PEG3: variants seen among roughly 807,000 people sequenced by gnomAD.
The protein encoded by PEG3 is paternally-expressed gene 3 protein.
PEG3 carries 23 observed loss-of-function variants against 35.5 expected under a neutral mutation model. The ratio of observed to expected loss-of-function variants is 0.65; its 90% confidence interval spans 0.47 to 0.92. The LOEUF is 0.92. Among genes scored for constraint, PEG3 ranks in the 40% least tolerant of loss-of-function variants. The probability of loss-of-function intolerance (pLI) is 0.00; values close to 1 mark genes in which losing one functional copy is unlikely to be tolerated. For synonymous variants in PEG3, 707 were observed against 697.0 expected, an observed-to-expected ratio of 1.01 and a Z score of -0.23; for missense variants, 1,960 against 1,985.3, an observed-to-expected ratio of 0.99 and a Z score of 0.24.
rs1385898277 is a variant in PEG3 at position 56,815,220 on chromosome 19, G to A, written c.3222C>T (p.His1074=). 1 of 1,613,944 alleles carries A rather than the reference G, an allele frequency of 6.2e-7. No homozygotes were observed. The highest frequency in any genetic ancestry group is 1.1e-5 in the South Asian group (1 of 91,072). The change falls in exon 10 of 10, where the codon CAC becomes CAT. Residue 1074 remains histidine (H), a synonymous_variant. Transcript: ENST00000326441. ...TCTCCTGACCATGGGTCTCCTCGCT[G>A]TGGGTCTCCTCCCCATCAGTATTCT... ...QGENTDGEET[H]SEETHGQETI... is the part of the protein sequence containing the mutation.
chr19:56,812,940 G>C lies in PEG3; in HGVS notation c.*735C>G. The C allele has an allele frequency of 1.0e-6, 1 of 985,668 alleles. No homozygotes were observed. Among genetic ancestry groups the C allele is most frequent in the Non-Finnish European group, 1.2e-6 (1 of 829,836 alleles). 61.1% of individuals were successfully genotyped at this position (985,668 alleles called of 1,614,324 possible). A position where few individuals can be genotyped will look rare whatever the true frequency, so the allele number is the denominator to read the frequency against. ...AAAAAGCCAATCCGTATATTGTAAAGCCTTACACAGTATTAGGTTCCAAAG... is the reference window on the plus strand; with the variant it reads ...AAAAAGCCAATCCGTATATTGTAAACCCTTACACAGTATTAGGTTCCAAAG... On this transcript the variant is annotated 3_prime_UTR_variant, in exon 10 of 10. Coordinates refer to ENST00000326441, the MANE Select transcript of PEG3 (RefSeq NM_006210.3).
At chr19:56,835,665 A>G (rs1230105872) in intron 2 of PEG3, among the ~76,000 whole-genome samples, 2 of 152,208 alleles carry the variant, frequency 1.3e-5, no homozygotes, top group Non-Finnish European at 2.9e-5. Context: ...CCTTTCCCCC[A>G]TTGGGGCTAT....
Position 56,816,920 on chromosome 19 carries a change from T to C in PEG3, c.1522A>G (p.Lys508Glu), listed in dbSNP as rs907207846. 6.2e-7 allele frequency: 1 copy of C among 1,614,220 alleles called. No individual in the cohort carries two copies. The highest frequency in any genetic ancestry group is 1.3e-5 in the African/African-American group (1 of 75,054). The change falls in exon 10 of 10, where the codon AAG becomes GAG. Residue 508 changes from lysine to glutamate, a missense_variant. Lys to Glu is a moderately conservative substitution (Grantham distance 56). Coordinates refer to ENST00000326441, the MANE Select transcript of PEG3 (RefSeq NM_006210.3). Reference protein sequence around the residue: ...SQVGGKRFECKDCGETFNKSA... With the variant: ...SQVGGKRFECEDCGETFNKSA... The stretch of plus-strand genomic sequence containing the variant: ...TTATTGAAGGTCTCTCCACAGTCCT[T>C]ACATTCAAAACGTTTCCCTCCAACC...
rs151151291 is a variant in PEG3 at position 56,822,927 on chromosome 19, G to A, written c.482-91C>T. 6.7e-6 allele frequency: 10 copies of A among 1,497,654 alleles called. No individual in the cohort carries two copies. The East Asian group carries it at 2.0e-4, about 29-fold the overall frequency. The allele number at this position is 1,497,654 out of a possible 1,614,324, so 92.8% of individuals were successfully genotyped here. ...CACAAACACCCCTCTGGAAAGAGAT[G>A]CTACCCTCTTCCCACAAGGAGATGG... On this transcript the variant is annotated intron_variant, in intron 5 of 9. Coordinates refer to ENST00000326441, the MANE Select transcript of PEG3 (RefSeq NM_006210.3).
At chr19:56,840,399 C>A (rs1415902637) in intron 1 of PEG3, among the ~76,000 whole-genome samples, 183 bp downstream of exon 1, 1 of 152,200 alleles carries the variant, frequency 6.6e-6, no homozygotes, top group Non-Finnish European at 1.5e-5. Context: ...CGCCACTGTG[C>A]CCACTCTCGG....
chr19:56,811,915 A>C lies in PEG3; in HGVS notation c.*1760T>G. On this transcript the variant is annotated 3_prime_UTR_variant, in exon 10 of 10. Transcript: ENST00000326441. The stretch of plus-strand genomic sequence containing the variant: ...CTCCTAGATCTGGTGATATATTAGG[A>C]CTCCCTTCTTTGACTCACTCATTTC... 1.0e-6 allele frequency: 1 copy of C among 984,554 alleles called. No homozygotes were observed. The highest frequency in any genetic ancestry group is 1.2e-6 in the Non-Finnish European group (1 of 829,658). The allele number at this position is 984,554 out of a possible 1,614,324, so 61.0% of individuals were successfully genotyped here.
Position 56,813,571 on chromosome 19 carries a change from A to T in PEG3, c.*104T>A, listed in dbSNP as rs571182889. 6.8e-7 allele frequency: 1 copy of T among 1,467,462 alleles called. No individual in the cohort carries two copies. Among genetic ancestry groups the T allele is most frequent in the South Asian group, 1.4e-5 (1 of 69,982 alleles). 90.9% of individuals were successfully genotyped at this position (1,467,462 alleles called of 1,614,324 possible). A position where few individuals can be genotyped will look rare whatever the true frequency, so the allele number is the denominator to read the frequency against. The stretch of plus-strand genomic sequence containing the variant: ...GTTAAGTCAGGTGTGTAACACACTA[A>T]GGTTAAGTCTCCTACTGACATTATC... On this transcript the variant is annotated 3_prime_UTR_variant, in exon 10 of 10. Coordinates refer to ENST00000326441, the MANE Select transcript of PEG3 (RefSeq NM_006210.3).
In PEG3 at chr19:56,816,244, T is replaced by C. The variant is rs2059967878; in HGVS notation, c.2198A>G (p.Lys733Arg). The C allele has an allele frequency of 6.2e-7, 1 of 1,614,158 alleles. No homozygotes were observed. The highest frequency in any genetic ancestry group is 8.5e-7 in the Non-Finnish European group (1 of 1,179,974). ...IHSGPFTESQKSHTITRPLES... is the reference protein window; with the variant it reads ...IHSGPFTESQRSHTITRPLES... ...AAGAGGTCTTGTTATAGTATGACTC[T>C]TCTGAGATTCAGTGAATGGCCCACT... The change falls in exon 10 of 10, where the codon AAG becomes AGG. Residue 733 changes from lysine (K) to arginine (R), a missense_variant. Coordinates refer to ENST00000326441, the MANE Select transcript of PEG3 (RefSeq NM_006210.3).
Position 56,813,139 on chromosome 19 carries a change from A to T in PEG3, c.*536T>A, listed in dbSNP as rs2059651910. Reference sequence around the variant, plus strand: ...GACAGGGTTCAAATAATGCACAATAAATCTTTCTCAGGATCTAAGACACTT... The same window carrying T: ...GACAGGGTTCAAATAATGCACAATATATCTTTCTCAGGATCTAAGACACTT... On this transcript the variant is annotated 3_prime_UTR_variant, in exon 10 of 10. Coordinates refer to ENST00000326441, the MANE Select transcript of PEG3 (RefSeq NM_006210.3). 3 of 982,870 alleles carry T rather than the reference A, an allele frequency of 3.1e-6. No individual in the cohort carries two copies. The highest frequency in any genetic ancestry group is 3.6e-6 in the Non-Finnish European group (3 of 827,656). The allele number at this position is 982,870 out of a possible 1,614,324, so 60.9% of individuals were successfully genotyped here.
At position 56,813,322 on chromosome 19, in the gene PEG3, T is replaced by C. The variant is rs1261135889; in HGVS notation, c.*353A>G. The C allele has an allele frequency of 2.0e-6, 2 of 987,382 alleles. No homozygotes were observed. The highest frequency in any genetic ancestry group is 2.4e-6 in the Non-Finnish European group (2 of 818,072). The allele number at this position is 987,382 out of a possible 1,614,324, so 61.2% of individuals were successfully genotyped here. A position where few individuals can be genotyped will look rare whatever the true frequency, so the allele number is the denominator to read the frequency against. ...TTCTGTCATAATTTGCTATTTTATA[T>C]ACACCTCATGAAACACTATATATAC... On this transcript the variant is annotated 3_prime_UTR_variant, in exon 10 of 10. Coordinates refer to ENST00000326441, the MANE Select transcript of PEG3 (RefSeq NM_006210.3).
chr19:56,839,975 C>A (rs1384456203), intron 1 of PEG3, among the ~76,000 whole-genome samples: 4 of 152,250 alleles, frequency 2.6e-5, no homozygotes, highest in African/African-American at 9.6e-5. Context: ...GGAAAGAAAA[C>A]CCCTACAGGC....
At position 56,813,309 on chromosome 19, in the gene PEG3, T is replaced by G. The variant is rs903633483; in HGVS notation, c.*366A>C. ...TATGTGATCACTGTTCTGTCATAAT[T>G]TGCTATTTTATATACACCTCATGAA... On this transcript the variant is annotated 3_prime_UTR_variant, in exon 10 of 10. Transcript: ENST00000326441. 5.2e-6 allele frequency: 5 copies of G among 961,960 alleles called. No homozygotes were observed. The highest frequency in any genetic ancestry group is 1.7e-5 in the African/African-American group (1 of 57,220). 59.6% of individuals were successfully genotyped at this position (961,960 alleles called of 1,614,324 possible).
Position 56,813,719 on chromosome 19 carries a change from C to T in PEG3, c.4723G>A (p.Asp1575Asn). 1 of 1,614,052 alleles carries T rather than the reference C, an allele frequency of 6.2e-7. No homozygotes were observed. The highest frequency in any genetic ancestry group is 8.5e-7 in the Non-Finnish European group (1 of 1,179,998). ...KCDVCGQLFN[D>N]RLSLARHQNT... ...TGGTGTCTGGCGAGGGACAGGCGGT[C>T]ATTGAAGAGCTGCCCACAGACGTCA... is the stretch of plus-strand genomic sequence containing the variant. The change falls in exon 10 of 10, where the codon GAC becomes AAC. Residue 1575 changes from aspartate (D) to asparagine (N), a missense_variant. Asp to Asn is a conservative substitution (Grantham distance 23, BLOSUM62 1). Transcript: ENST00000326441.
chr19:56,839,817 C>G (rs778531785), intron 1 of PEG3, among the ~76,000 whole-genome samples: 1 of 151,238 alleles, frequency 6.6e-6, no homozygotes, highest in Non-Finnish European at 1.5e-5. Context: ...AGATGGCACC[C>G]AGTGGGTGGG....
rs11392622 is a variant in PEG3 at position 56,812,818 on chromosome 19, TAAA to T, written c.*854_*856del. Reference sequence around the variant, plus strand: ...ATCATCAAACACATATTGAGTTGGTTAAAAAAAAAAAAAACCCAGAACACAAAT... The same window carrying T: ...ATCATCAAACACATATTGAGTTGGTTAAAAAAAAAAACCCAGAACACAAAT... On this transcript the variant is annotated 3_prime_UTR_variant, in exon 10 of 10. Transcript: ENST00000326441. 5.7e-6 allele frequency: 5 copies of T among 869,670 alleles called. No individual in the cohort carries two copies. The highest frequency in any genetic ancestry group is 5.5e-6 in the Non-Finnish European group (4 of 729,670). 53.9% of individuals were successfully genotyped at this position (869,670 alleles called of 1,614,324 possible).
In PEG3 at chr19:56,813,238, A is replaced by G; in HGVS notation, c.*437T>C. On this transcript the variant is annotated 3_prime_UTR_variant, in exon 10 of 10. Transcript: ENST00000326441. ...AAATTCAAAGAATACCAGGTAAGGTACCTCTGCAGAGTAAACTGTAACTGT... is the reference window on the plus strand; with the variant it reads ...AAATTCAAAGAATACCAGGTAAGGTGCCTCTGCAGAGTAAACTGTAACTGT... 2 of 978,878 alleles carry G rather than the reference A, an allele frequency of 2.0e-6. No homozygotes were observed. Among genetic ancestry groups the G allele is most frequent in the African/African-American group, 1.7e-5 (1 of 57,148 alleles). The allele number at this position is 978,878 out of a possible 1,614,324, so 60.6% of individuals were successfully genotyped here.
At chr19:56,826,281 G>A (rs1413968780) in intron 3 of PEG3, 107 bp downstream of exon 3, 1 of 152,324 alleles carries the variant, frequency 6.6e-6, no homozygotes, top group Non-Finnish European at 1.5e-5. Flanking sequence ...AAGGGCAGAC[G>A]GCCCAACTCT....
At chr19:56,821,617 G>A (rs2060495273) in intron 7 of PEG3, 34 bp downstream of exon 7, 1 of 1,606,854 alleles carries the variant, frequency 6.2e-7, no homozygotes, top group Non-Finnish European at 8.5e-7. Flanking sequence ...AAATGAAGAT[G>A]GCCTTTCTAG....
In PEG3 at chr19:56,817,136, A is replaced by AGCTGAGGCT. The variant is rs2060050170; in HGVS notation, c.1297_1305dup (p.Leu434_Ser436dup). The stretch of plus-strand genomic sequence containing the variant: ...GGCTGTGACTCGGTAAAGGAGGGGG[A>AGCTGAGGCT]GCTGAGGCTGCTCAGGCTGCTCACG... On this transcript the variant is annotated inframe_insertion, in exon 10 of 10. Transcript: ENST00000326441. The AGCTGAGGCT allele has an allele frequency of 6.2e-7, 1 of 1,613,990 alleles. No homozygotes were observed. The highest frequency in any genetic ancestry group is 8.5e-7 in the Non-Finnish European group (1 of 1,179,956).
Sources: gnomAD v4.1 joint callset for allele counts (sites outside exome capture counted in the v4.1 genomes callset) on GRCh38, gnomAD v4.1.1 for gene constraint, MANE v1.5 for transcripts, NCBI Gene and HGNC (gene_info 2026-07-23, HGNC 2026-07-21) for gene names.